Variants in ZC3H4 observed in about 807,000 individuals in gnomAD.
ZC3H4 encodes zinc finger CCCH domain-containing protein 4.
Under a neutral mutation model 108.3 loss-of-function variants are expected in ZC3H4, and 13 were observed. The ratio of observed to expected loss-of-function variants is 0.12; its 90% confidence interval spans 0.08 to 0.19. The LOEUF is 0.19. Ranked by LOEUF, ZC3H4 falls within the 10% of genes least tolerant of loss-of-function variation. The pLI, the probability that ZC3H4 is intolerant of heterozygous loss-of-function variation, is 1.00. For missense variants in ZC3H4, 1,734 were observed against 1,838.8 expected (o/e 0.94, Z 1.04); for synonymous variants, 917 against 749.6 (o/e 1.22, Z -3.65).
At chr19:47,084,906 T>TGCCCTG in intron 8 of ZC3H4, 150 bp downstream of exon 8, 1 of 1,031,670 alleles carries the variant, frequency 9.7e-7, no homozygotes, top group Non-Finnish European at 1.4e-6. Flanking sequence ...TAACTCTAGT[T>TGCCCTG]GTCGCTGGTT....
intron 2 of ZC3H4, 86 bp from the exon 3 acceptor site, chr19:47,094,694 C>A: frequency 7.1e-7 from 1 of 1,408,828 alleles, no homozygotes; most frequent in Non-Finnish European, 9.8e-7. Context: ...CTGACAGGAA[C>A]CGAAGGCCTG....
At chr19:47,094,326 C>T (rs2057786685) in intron 3 of ZC3H4, 63 bp downstream of exon 3, 5 of 1,583,850 alleles carry the variant, frequency 3.2e-6, no homozygotes. Context: ...AAAGCTCAGC[C>T]CCTGGGGCTC....
chr19:47,094,486 T>A lies in ZC3H4; in HGVS notation c.284A>T (p.Asp95Val). The change falls in exon 3 of 15, where the codon GAT becomes GTT. Residue 95 changes from aspartate to valine, a missense_variant. Transcript: ENST00000253048. The stretch of plus-strand genomic sequence containing the variant: ...CAGTCTCCTGTGGGACTTCTCCTCA[T>A]CCGAATCACTGTGATGCTTCTCCCC... ...EKGEKHHSDS[D>V]EEKSHRRLKR... 1 of 1,614,210 alleles carries A rather than the reference T, an allele frequency of 6.2e-7. No individual in the cohort carries two copies. The highest frequency in any genetic ancestry group is 8.5e-7 in the Non-Finnish European group (1 of 1,180,042).
Position 47,112,545 on chromosome 19 carries a change from C to T in ZC3H4, c.40G>A (p.Glu14Lys), listed in dbSNP as rs1033847407. The T allele has an allele frequency of 7.2e-5, 75 of 1,035,928 alleles. 1 individual carries two copies. Among genetic ancestry groups the T allele is most frequent in the Non-Finnish European group, 9.2e-5 (74 of 804,084 alleles). 64.2% of individuals were successfully genotyped at this position (1,035,928 alleles called of 1,614,324 possible). ...APGTPPPPPSESPPPPSPPPP... is the reference protein window; with the variant it reads ...APGTPPPPPSKSPPPPSPPPP... ...GGCGGCGATGGCGGCGGCGGCGACT[C>T]TGATGGCGGCGGCGGGGGGGTCCCG... is the stretch of plus-strand genomic sequence containing the variant. The change falls in exon 2 of 15, where the codon GAG becomes AAG. Residue 14 changes from glutamate (E) to lysine (K), a missense_variant. Physicochemically the swap from Glu to Lys is moderately conservative, Grantham distance 56 (BLOSUM62 1). Transcript: ENST00000253048.
At chr19:47,081,742 T>TGAG (rs1437131196) in intron 10 of ZC3H4, 120 bp from the exon 11 acceptor site, 1 of 858,082 alleles carries the variant, frequency 1.2e-6, no homozygotes, top group African/African-American at 1.7e-5. Flanking sequence ...CCCAGAGAGG[T>TGAG]GAGGCGATGT....
chr19:47,067,038 G>T lies in ZC3H4; in HGVS notation c.3230C>A (p.Pro1077His), dbSNP rs777886540. The change falls in exon 15 of 15, where the codon CCC becomes CAC. Residue 1077 changes from proline (P) to histidine (H), a missense_variant. Pro to His is a moderately conservative substitution (Grantham distance 77). Around this residue, in one of 9 missense-constraint regions of ZC3H4, gnomAD observed 518 missense variants for 499.6 expected, o/e 1.04. Coordinates refer to ENST00000253048, the MANE Select transcript of ZC3H4 (RefSeq NM_015168.2). The surrounding 1 kb of genome is among the most constrained non-coding windows in gnomAD (Gnocchi z 6.4). ...KPSDPRVRKA[P>H]TDPRLQKPTD... Reference sequence around the variant, plus strand: ...GGGTTTCTGCAGCCGAGGGTCGGTGGGGGCCTTCCGCACCCGGGGGTCACT... The same window carrying T: ...GGGTTTCTGCAGCCGAGGGTCGGTGTGGGCCTTCCGCACCCGGGGGTCACT... The T allele has an allele frequency of 3.1e-6, 5 of 1,604,538 alleles. No homozygotes were observed.
intron 1 of ZC3H4, among the ~76,000 whole-genome samples, chr19:47,113,082 C>T (rs1272832289): frequency 6.6e-6 from 1 of 152,254 alleles, no homozygotes; most frequent in Admixed American, 6.5e-5. Context: ...CCCCGGCTGC[C>T]CGGCCCCCGC....
chr19:47,090,265 T>C, intron 4 of ZC3H4, 76 bp from the exon 5 acceptor site: 2 of 1,519,658 alleles, frequency 1.3e-6, no homozygotes, highest in South Asian at 2.4e-5. Flanking sequence ...ATACCCAGGG[T>C]TCCCTAAACG....
chr19:47,067,632 C>T lies in ZC3H4; in HGVS notation c.2636G>A (p.Gly879Glu). 1.9e-6 allele frequency: 3 copies of T among 1,604,616 alleles called. No individual in the cohort carries two copies. Among genetic ancestry groups the T allele is most frequent in the Non-Finnish European group, 8.5e-7 (1 of 1,177,560 alleles). Residue 879 changes from glycine (G) to glutamate (E), a missense_variant, in exon 15 of 15, where the codon GGG (glycine) becomes GAG (glutamate). Gly to Glu is a moderately conservative substitution (Grantham distance 98). Coordinates refer to ENST00000253048, the MANE Select transcript of ZC3H4 (RefSeq NM_015168.2). The surrounding 1 kb of genome is among the most constrained non-coding windows in gnomAD (Gnocchi z 6.4). ...RLTRHVEASG[G>E]SGPGDSGPSD... ...GGGTCCCGAATCACCTGGGCCAGAC[C>T]CGCCAGAAGCCTCCACATGGCGGGT...
rs749750092 is a variant in ZC3H4 at position 47,071,923 on chromosome 19, G to A, written c.2001C>T (p.Gly667=). The A allele has an allele frequency of 2.1e-5, 34 of 1,611,986 alleles. No homozygotes were observed. The African/African-American group carries it at 2.5e-4, about 12-fold the overall frequency. ...GGCCGTAGGGCATCATTGGAGGGCC[G>A]CCAGGGCCCATGGGTGGGCCAGGAT... ...GMNPGPPMGP[G]GPPMMPYGPG... Residue 667 remains glycine, a synonymous_variant, in exon 13 of 15, where the codon GGC becomes GGT. Transcript: ENST00000253048.
chr19:47,083,388 A>G lies in ZC3H4; in HGVS notation c.1218+957T>C, dbSNP rs192214642. On this transcript the variant is annotated intron_variant, in intron 9 of 14. Coordinates refer to ENST00000253048, the MANE Select transcript of ZC3H4 (RefSeq NM_015168.2). ...GGTGTATTCATTTGTTCTTGCTTATATGTATTTCAAGTTTCTCAACAGAAT... is the reference window on the plus strand; with the variant it reads ...GGTGTATTCATTTGTTCTTGCTTATGTGTATTTCAAGTTTCTCAACAGAAT... 6.8e-4 allele frequency among the ~76,000 whole-genome samples: 103 copies of G among 152,174 alleles called. No individual in the cohort carries two copies. The Middle Eastern group carries it at 0.017, about 25-fold the overall frequency.
intron 2 of ZC3H4, among the ~76,000 whole-genome samples, chr19:47,107,017 G>A (rs912834385): frequency 6.6e-5 from 10 of 152,110 alleles, no homozygotes; most frequent in Admixed American, 4.6e-4. Context: ...GCACTGACTC[G>A]GACTCTAATT....
At chr19:47,095,509 C>A (rs900238212) in intron 2 of ZC3H4, among the ~76,000 whole-genome samples, 2 of 152,126 alleles carry the variant, frequency 1.3e-5, no homozygotes, top group African/African-American at 4.8e-5. Flanking sequence ...GATAGTGGAA[C>A]CCCTTCTGGC....
At position 47,110,971 on chromosome 19, in the gene ZC3H4, G is replaced by A. The variant is rs188222659; in HGVS notation, c.161+1453C>T. On this transcript the variant is annotated intron_variant, in intron 2 of 14. Coordinates refer to ENST00000253048, the MANE Select transcript of ZC3H4 (RefSeq NM_015168.2). Reference sequence around the variant, plus strand: ...CAAAGTATGGTCTGTGAAGGAGAAAGGGGAAAGGGGAGGTGGGAGTGGGGA... The same window carrying A: ...CAAAGTATGGTCTGTGAAGGAGAAAAGGGAAAGGGGAGGTGGGAGTGGGGA... 126 of 975,850 alleles carry A rather than the reference G, an allele frequency of 1.3e-4. 1 individual carries two copies. The East Asian group carries it at 0.012, about 90-fold the overall frequency. The allele number at this position is 975,850 out of a possible 1,614,324, so 60.4% of individuals were successfully genotyped here. A position where few individuals can be genotyped will look rare whatever the true frequency, so the allele number is the denominator to read the frequency against.
chr19:47,076,500 T>G (rs1041904651), intron 11 of ZC3H4, among the ~76,000 whole-genome samples: 1 of 152,180 alleles, frequency 6.6e-6, no homozygotes, highest in Non-Finnish European at 1.5e-5. Context: ...TCTGGGGTGA[T>G]GGAATGGGTT....
chr19:47,112,366 C>T, intron 2 of ZC3H4, 58 bp downstream of exon 2: 1 of 1,210,142 alleles, frequency 8.3e-7, no homozygotes, highest in Non-Finnish European at 1.0e-6. Flanking sequence ...CGCCCCCCTT[C>T]CTCCTCCTCC....
chr19:47,082,631 A>G (rs901587423), intron 9 of ZC3H4, among the ~76,000 whole-genome samples: 3 of 152,186 alleles, frequency 2.0e-5, no homozygotes, highest in Admixed American at 6.5e-5. Flanking sequence ...AATTTAAAGA[A>G]AAGCCTTTTG....
chr19:47,104,658 G>C (rs1445016019), intron 2 of ZC3H4, among the ~76,000 whole-genome samples: 1 of 152,232 alleles, frequency 6.6e-6, no homozygotes, highest in Non-Finnish European at 1.5e-5. Flanking sequence ...GAAAGTGATG[G>C]ATGCACAGAC....
chr19:47,066,454 C>A lies in ZC3H4; in HGVS notation c.3814G>T (p.Ala1272Ser). The A allele has an allele frequency of 6.3e-7, 1 of 1,580,036 alleles. No individual in the cohort carries two copies. Among genetic ancestry groups the A allele is most frequent in the Non-Finnish European group, 8.6e-7 (1 of 1,163,814 alleles). ...TPKTGSGSPF[A>S]GNSPAREGEQ... ...CCCTCGCGGGCCGGACTGTTCCCAG[C>A]AAATGGGCTTCCTGAGCCCGTCTTG... is the stretch of plus-strand genomic sequence containing the variant. The change falls in exon 15 of 15, where the codon GCT becomes TCT. Residue 1272 changes from alanine (A) to serine (S), a missense_variant. Physicochemically the swap from Ala to Ser is moderately conservative, Grantham distance 99. Coordinates refer to ENST00000253048, the MANE Select transcript of ZC3H4 (RefSeq NM_015168.2).
Sources: gnomAD v4.1 joint callset for allele counts (sites outside exome capture counted in the v4.1 genomes callset) on GRCh38, gnomAD v4.1.1 for gene constraint, gnomAD v4.1.1 regional missense constraint, Gnocchi (gnomAD v3.1) non-coding constraint, MANE v1.5 for transcripts, NCBI Gene and HGNC (gene_info 2026-07-23, HGNC 2026-07-21) for gene names.